AFF3: variants seen among roughly 807,000 people sequenced by gnomAD.
AFF3 encodes AF4/FMR2 family member 3.
AFF3 carries 32 observed loss-of-function variants against 129.7 expected under a neutral mutation model. The observed-to-expected ratio is 0.25, with a 90% confidence interval of 0.19 to 0.33. The LOEUF (loss-of-function observed/expected upper bound fraction) is 0.33, where lower values mean the gene tolerates loss of function less well. AFF3 is among the 10% of genes least tolerant of loss of function. The pLI is 1.00. For synonymous variants in AFF3, 644 were observed against 635.4 expected, an observed-to-expected ratio of 1.01 and a Z score of -0.20; for missense variants, 1,373 against 1,592.0, an observed-to-expected ratio of 0.86 and a Z score of 2.34.
At chr2:99,883,729 A>C (rs1337324140) in intron 7 of AFF3, among the ~76,000 whole-genome samples, 2 of 152,188 alleles carry the variant, frequency 1.3e-5, no homozygotes, top group Non-Finnish European at 2.9e-5. Context: ...CCTAAATCTA[A>C]AATCAACAGA....
intron 8 of AFF3, among the ~76,000 whole-genome samples, chr2:99,753,987 G>C (rs1681882915): frequency 6.6e-6 from 1 of 152,148 alleles, no homozygotes; most frequent in Non-Finnish European, 1.5e-5. Flanking sequence ...ATGGAGTCAA[G>C]GAACTATTCG....
chr2:99,557,922 A>G (rs1158854725), intron 22 of AFF3, among the ~76,000 whole-genome samples: 1 of 152,262 alleles, frequency 6.6e-6, no homozygotes, highest in Non-Finnish European at 1.5e-5. Context: ...TAGTTTCTAT[A>G]GATAAACAGA....
intron 13 of AFF3, chr2:99,630,918 T>C: frequency 2.7e-6 from 1 of 374,358 alleles, no homozygotes; most frequent in Admixed American, 3.4e-5. Context: ...GGGCTCACCT[T>C]GTAGAAGAAG....
At chr2:99,925,882 G>T (rs1211723296) in intron 7 of AFF3, among the ~76,000 whole-genome samples, 1 of 152,200 alleles carries the variant, frequency 6.6e-6, no homozygotes, top group African/African-American at 2.4e-5. Flanking sequence ...TTCCCAGGGA[G>T]TTGCTGTACT....
chr2:99,741,857 G>A (rs1432880932), intron 10 of AFF3, among the ~76,000 whole-genome samples: 1 of 152,096 alleles, frequency 6.6e-6, no homozygotes, highest in Non-Finnish European at 1.5e-5. Context: ...GCATGGTACT[G>A]GTACCAAAAC....
chr2:100,132,451 C>CT (rs1573474725), intron 1 of AFF3, among the ~76,000 whole-genome samples: 1 of 152,028 alleles, frequency 6.6e-6, no homozygotes, highest in Non-Finnish European at 1.5e-5. Flanking sequence ...GTAGTTAAGT[C>CT]TTTTTTCTGC....
chr2:99,745,071 C>T (rs1228290843), intron 9 of AFF3, among the ~76,000 whole-genome samples: 1 of 152,136 alleles, frequency 6.6e-6, no homozygotes, highest in African/African-American at 2.4e-5. Flanking sequence ...GATAGCTATC[C>T]TTGTGTGTAT....
intron 4 of AFF3, among the ~76,000 whole-genome samples, chr2:100,084,626 C>T (rs1379877842): frequency 1.6e-4 from 24 of 151,652 alleles, no homozygotes; most frequent in African/African-American, 4.6e-4. Flanking sequence ...TTATATTATA[C>T]GTACCCTATA....
intron 2 of AFF3, among the ~76,000 whole-genome samples, chr2:100,118,886 A>C (rs2105550445): frequency 6.6e-6 from 1 of 151,026 alleles, no homozygotes; most frequent in East Asian, 2.0e-4. Flanking sequence ...AGCTCACTGC[A>C]GCCTCTGCCT....
chr2:99,621,451 C>T (rs1158254070), intron 13 of AFF3, among the ~76,000 whole-genome samples: 1 of 152,156 alleles, frequency 6.6e-6, no homozygotes, highest in Non-Finnish European at 1.5e-5. Context: ...GATCTGCCTG[C>T]GACCTCGTCC....
Position 99,587,088 on chromosome 2 carries a change from T to A in AFF3, c.2591+66A>T, listed in dbSNP as rs111480469. On this transcript the variant is annotated intron_variant, in intron 16 of 24. Transcript: ENST00000672756. ...CAAAAAGCCTGACCCTCCTCCAACA[T>A]AGCAGGTGACTTTCAGACCCAGAGA... is the stretch of plus-strand genomic sequence containing the variant. The A allele has an allele frequency of 3.7e-6, 6 of 1,600,724 alleles. No individual in the cohort carries two copies. In the African/African-American group the frequency reaches 8.0e-5, roughly 21 times the overall value.
At chr2:99,686,293 A>G (rs998148419) in intron 11 of AFF3, among the ~76,000 whole-genome samples, 1 of 152,190 alleles carries the variant, frequency 6.6e-6, no homozygotes, top group African/African-American at 2.4e-5. Context: ...AATGACAGAA[A>G]GTCAACTGAT....
At chr2:99,918,790 T>C (rs980515164) in intron 7 of AFF3, among the ~76,000 whole-genome samples, 1 of 152,214 alleles carries the variant, frequency 6.6e-6, no homozygotes, top group Non-Finnish European at 1.5e-5. Flanking sequence ...TCATAGGTTT[T>C]AATCTCATTT....
chr2:99,796,105 C>T (rs1253930159), intron 8 of AFF3, among the ~76,000 whole-genome samples: 2 of 152,118 alleles, frequency 1.3e-5, no homozygotes, highest in Non-Finnish European at 2.9e-5. Flanking sequence ...TAAACTCTCA[C>T]CTGCAATCAA....
At chr2:99,771,298 G>T (rs1037877067) in intron 8 of AFF3, among the ~76,000 whole-genome samples, 12 of 152,002 alleles carry the variant, frequency 7.9e-5, no homozygotes, top group Non-Finnish European at 1.8e-4. Context: ...ATGGATACTG[G>T]GCTTAATATC....
chr2:100,071,333 G>A (rs1040503860), intron 4 of AFF3, among the ~76,000 whole-genome samples: 1 of 152,156 alleles, frequency 6.6e-6, no homozygotes, highest in African/African-American at 2.4e-5. Context: ...TTACACGAAA[G>A]TATAAAAGTG....
chr2:99,925,816 G>C (rs549142701), intron 7 of AFF3, among the ~76,000 whole-genome samples: 1 of 152,202 alleles, frequency 6.6e-6, no homozygotes, highest in Non-Finnish European at 1.5e-5. Flanking sequence ...GAGACATTCA[G>C]TGAATGTTCA....
intron 11 of AFF3, chr2:99,707,341 A>G: frequency 6.1e-6 from 6 of 985,054 alleles, no homozygotes; most frequent in Non-Finnish European, 7.2e-6. Flanking sequence ...GCTGTCAGTT[A>G]ATATTTTTAA....
At chr2:99,717,384 T>G (rs941095284) in intron 11 of AFF3, among the ~76,000 whole-genome samples, 1 of 152,172 alleles carries the variant, frequency 6.6e-6, no homozygotes, top group Non-Finnish European at 1.5e-5. Flanking sequence ...CTTACCATGA[T>G]TTAGTGGTAT....
Sources: allele counts gnomAD v4.1 joint callset (sites outside exome capture counted in the v4.1 genomes callset), GRCh38; gene constraint gnomAD v4.1.1; transcripts MANE v1.5; gene names NCBI Gene and HGNC (gene_info 2026-07-23, HGNC 2026-07-21).